Variants in TNFSF15 observed in about 807,000 individuals in gnomAD.
TNFSF15 encodes TNF superfamily member 15.
A neutral mutation model predicts 26.4 loss-of-function variants in TNFSF15; 15 were observed. The ratio of observed to expected loss-of-function variants is 0.57; its 90% CI spans 0.38 to 0.87. The LOEUF (loss-of-function observed/expected upper bound fraction) is 0.87, where lower values mean the gene tolerates loss of function less well. TNFSF15 is among the 40% of genes least tolerant of loss of function. TNFSF15 has a pLI of 0.00. For missense variants in TNFSF15, 290 were observed against 306.1 expected, an observed-to-expected ratio of 0.95 and a Z score of 0.39; for synonymous variants, 116 against 115.0, an observed-to-expected ratio of 1.01 and a Z score of -0.06.
At chr9:114,792,378 C>G (rs1365612912) in intron 3 of TNFSF15, 29 bp downstream of exon 3, 1 of 1,605,950 alleles carries the variant, frequency 6.2e-7, no homozygotes, top group Non-Finnish European at 8.5e-7. Context: ...GGCCCATGGT[C>G]TCCCGTAAAA....
Position 114,790,701 on chromosome 9 carries a change from G to T in TNFSF15, c.507C>A (p.Gly169=), listed in dbSNP as rs1444463153. ...TGATGGAGTCTGGCTTGTTTGGTCG[G>T]CCTGCTTGTCTGATTTCACTGCACT... is the stretch of plus-strand genomic sequence containing the variant. ...TSECSEIRQA[G]RPNKPDSITV... is the part of the protein sequence containing the mutation. Residue 169 remains glycine (G), a synonymous_variant, in exon 4 of 4, where the codon GGC becomes GGA. Transcript: ENST00000374045. 3.7e-6 allele frequency: 6 copies of T among 1,614,044 alleles called. No individual in the cohort carries two copies. The highest frequency in any genetic ancestry group is 5.1e-6 in the Non-Finnish European group (6 of 1,180,006).
At chr9:114,802,620 CT>C (rs1829763769) in intron 1 of TNFSF15, among the ~76,000 whole-genome samples, 1 of 152,184 alleles carries the variant, frequency 6.6e-6, no homozygotes, top group African/African-American at 2.4e-5. Flanking sequence ...TTAATTCTCT[CT>C]TTGGAAAAAT....
intron 3 of TNFSF15, 70 bp from the exon 4 acceptor site, chr9:114,790,976 T>A: frequency 6.7e-7 from 1 of 1,483,752 alleles, no homozygotes; most frequent in East Asian, 2.3e-5. Context: ...AAGTGTCTCA[T>A]ATCATTTTCA....
At chr9:114,804,847 G>T (rs1363575740) in intron 1 of TNFSF15, among the ~76,000 whole-genome samples, 1 of 152,162 alleles carries the variant, frequency 6.6e-6, no homozygotes, top group African/African-American at 2.4e-5. Flanking sequence ...GGCCAGGATT[G>T]CTTAGAGGCT....
At chr9:114,804,891 T>G (rs1267337171) in intron 1 of TNFSF15, among the ~76,000 whole-genome samples, 1 of 152,232 alleles carries the variant, frequency 6.6e-6, no homozygotes, top group Non-Finnish European at 1.5e-5. Flanking sequence ...AAACCCATTT[T>G]TTTCCCTTTG....
At chr9:114,803,403 G>T (rs1829773792) in intron 1 of TNFSF15, among the ~76,000 whole-genome samples, 1 of 152,158 alleles carries the variant, frequency 6.6e-6, no homozygotes, top group African/African-American at 2.4e-5. Flanking sequence ...AAGGCTCAAA[G>T]AAATGAAGCC....
At position 114,792,222 on chromosome 9, in the gene TNFSF15, TGTACACAC is replaced by T. The variant is rs1476317715; in HGVS notation, c.301+177_301+184del. 1.8e-3 allele frequency: 1,085 copies of T among 602,822 alleles called. 9 individuals are homozygous for T. The African/African-American group carries it at 0.023, about 13-fold the overall frequency. The allele number at this position is 602,822 out of a possible 1,614,324, so 37.3% of individuals were successfully genotyped here. ...GTGTGTGTGTGTATATACATATGTG[TGTACACAC>T]ACACACACACACACACACACACACA... On this transcript the variant is annotated intron_variant, in intron 3 of 3. Transcript: ENST00000374045.
chr9:114,791,712 C>T (rs1476008670), intron 3 of TNFSF15: 1 of 167,114 alleles, frequency 6.0e-6, no homozygotes, highest in Admixed American at 6.5e-5. Flanking sequence ...CTGCACTAGA[C>T]TTGGAAAGTT....
intron 1 of TNFSF15, among the ~76,000 whole-genome samples, chr9:114,803,213 G>T (rs1829771696): frequency 6.6e-6 from 1 of 152,006 alleles, no homozygotes; most frequent in South Asian, 2.1e-4. Flanking sequence ...TATTTCCTGA[G>T]GCCAACATCA....
chr9:114,793,461 A>G (rs1397238544), intron 2 of TNFSF15, 65 bp downstream of exon 2: 1 of 1,570,024 alleles, frequency 6.4e-7, no homozygotes, highest in Non-Finnish European at 8.8e-7. Context: ...AACTTCCTGC[A>G]TACAGAACTA....
In TNFSF15 at chr9:114,787,888, A is replaced by G. The variant is rs1829532302; in HGVS notation, c.*2564T>C. 6.5e-6 allele frequency: 1 copy of G among 153,768 alleles called. No homozygotes were observed. Among genetic ancestry groups the G allele is most frequent in the South Asian group, 2.1e-4 (1 of 4,826 alleles). 9.5% of individuals were successfully genotyped at this position (153,768 alleles called of 1,614,324 possible). ...AGCAGAGAATTTCCCAAAGCCTCAAATGTCTTCGAATATTAGGAAATTCCT... is the reference window on the plus strand; with the variant it reads ...AGCAGAGAATTTCCCAAAGCCTCAAGTGTCTTCGAATATTAGGAAATTCCT... On this transcript the variant is annotated 3_prime_UTR_variant, in exon 4 of 4. Transcript: ENST00000374045.
intron 1 of TNFSF15, among the ~76,000 whole-genome samples, chr9:114,802,588 T>C (rs1054130703): frequency 3.3e-5 from 5 of 152,204 alleles, no homozygotes; most frequent in Admixed American, 2.0e-4. Flanking sequence ...AATGTAAGCA[T>C]GCTGTGTTAG....
At position 114,785,249 on chromosome 9, in the gene TNFSF15, C is replaced by G. The variant is rs1483871403; in HGVS notation, c.*5203G>C. On this transcript the variant is annotated 3_prime_UTR_variant, in exon 4 of 4. Transcript: ENST00000374045. ...GTGACAGGGTGTGGATGTGATGGCT[C>G]CCTCTGAGCCTGGGTTTCTTCATCT... The G allele has an allele frequency of 2.6e-5, 4 of 152,246 alleles. No homozygotes were observed. The highest frequency in any genetic ancestry group is 6.5e-5 in the Admixed American group (1 of 15,290). 9.4% of individuals were successfully genotyped at this position (152,246 alleles called of 1,614,324 possible).
chr9:114,794,057 C>A (rs991090299), intron 1 of TNFSF15, among the ~76,000 whole-genome samples: 5 of 152,172 alleles, frequency 3.3e-5, no homozygotes, highest in Non-Finnish European at 5.9e-5. Flanking sequence ...TAAATAATTG[C>A]AACCCTAGTT....
chr9:114,805,343 G>A (rs559892617), intron 1 of TNFSF15, among the ~76,000 whole-genome samples: 11 of 152,174 alleles, frequency 7.2e-5, no homozygotes, highest in Non-Finnish European at 1.2e-4. Flanking sequence ...TAAAAAATCC[G>A]TTTTATATCT....
chr9:114,803,183 A>C (rs563963258), intron 1 of TNFSF15, among the ~76,000 whole-genome samples: 2 of 151,484 alleles, frequency 1.3e-5, no homozygotes, highest in East Asian at 3.9e-4. Context: ...ATTCCATAGC[A>C]CCTCTCTGTT....
rs780282454 is a variant in TNFSF15 at position 114,790,566 on chromosome 9, G to T, written c.642C>A (p.Leu214=). 2 of 1,613,950 alleles carry T rather than the reference G, an allele frequency of 1.2e-6. No individual in the cohort carries two copies. Among genetic ancestry groups the T allele is most frequent in the Non-Finnish European group, 8.5e-7 (1 of 1,180,034 alleles). Residue 214 remains leucine (L), a synonymous_variant, in exon 4 of 4, where the codon CTC becomes CTA. Transcript: ENST00000374045. ...VGSNWFQPIY[L]GAMFSLQEGD... ...CTTCTTGCAAGGAGAACATGGCTCC[G>T]AGGTAGATGGGCTGGAACCAGTTGC... is the stretch of plus-strand genomic sequence containing the variant.
chr9:114,792,802 C>G lies in TNFSF15; in HGVS notation c.254-348G>C, dbSNP rs55896139. On this transcript the variant is annotated intron_variant, in intron 2 of 3. Coordinates refer to ENST00000374045, the MANE Select transcript of TNFSF15 (RefSeq NM_005118.4). ...ATGAATTTTGCACATGGCCAATGCT[C>G]AATAAAGCACAACTCACTGCTCTTT... is the stretch of plus-strand genomic sequence containing the variant. 7.7e-4 allele frequency among the ~76,000 whole-genome samples: 118 copies of G among 152,310 alleles called. 2 individuals carry two copies. The East Asian group carries it at 0.021, about 27-fold the overall frequency.
At position 114,800,622 on chromosome 9, in the gene TNFSF15, T is replaced by C. The variant is rs78277186; in HGVS notation, c.210+5181A>G. Reference sequence around the variant, plus strand: ...ATCATCTCTAAAATGTGGATAATAATAGTAGTTTCCTCATTGTGTGATTTC... The same window carrying C: ...ATCATCTCTAAAATGTGGATAATAACAGTAGTTTCCTCATTGTGTGATTTC... On this transcript the variant is annotated intron_variant, in intron 1 of 3. Transcript: ENST00000374045. Among the ~76,000 whole-genome samples, 772 of 152,256 alleles carry C rather than the reference T, an allele frequency of 5.1e-3. 2 individuals are homozygous for C. Among genetic ancestry groups the C allele is most frequent in the Middle Eastern group, 0.02 (6 of 294 alleles).
Sources: allele counts gnomAD v4.1 joint callset (sites outside exome capture counted in the v4.1 genomes callset), GRCh38; gene constraint gnomAD v4.1.1; transcripts MANE v1.5; gene names NCBI Gene and HGNC (gene_info 2026-07-23, HGNC 2026-07-21).